The following KLHL32 variants were observed in gnomAD, a reference collection of about 807,000 sequenced individuals.
KLHL32 encodes kelch like family member 32, also known as kelch-like protein 32.
A neutral mutation model predicts 64.8 loss-of-function variants in KLHL32; 35 were observed. That is an observed-to-expected ratio of 0.54 (90% CI 0.41 to 0.72). The LOEUF (loss-of-function observed/expected upper bound fraction) is 0.72. Among genes scored for constraint, KLHL32 ranks in the 30% least tolerant of loss-of-function variants. The pLI is 0.00. For synonymous variants in KLHL32, 259 were observed against 281.0 expected (o/e 0.92, Z 0.78); for missense variants, 589 against 768.5 (o/e 0.77, Z 2.76).
At chr6:96,946,206 A>G (rs1250378175) in intron 1 of KLHL32, among the ~76,000 whole-genome samples, 4 of 152,148 alleles carry the variant, frequency 2.6e-5, no homozygotes, top group African/African-American at 9.7e-5. Flanking sequence ...GTTTTAAGTG[A>G]TATCTCCTTT....
chr6:97,079,097 A>G (rs2128172058), intron 5 of KLHL32, among the ~76,000 whole-genome samples: 1 of 152,330 alleles, frequency 6.6e-6, no homozygotes, highest in East Asian at 1.9e-4. Flanking sequence ...CTCTCATTCA[A>G]GAAGGTATAG....
chr6:96,924,295 G>C (rs988724113), upstream of KLHL32, among the ~76,000 whole-genome samples: 5 of 152,170 alleles, frequency 3.3e-5, no homozygotes, highest in Admixed American at 2.6e-4. Flanking sequence ...CCTGGGAAAG[G>C]AGTCTGGGGG....
chr6:97,034,920 G>A (rs1393755925), intron 3 of KLHL32, among the ~76,000 whole-genome samples: 2 of 152,040 alleles, frequency 1.3e-5, no homozygotes, highest in African/African-American at 4.8e-5. Flanking sequence ...GGTTTCCTAC[G>A]TATATAATCA....
intron 3 of KLHL32, among the ~76,000 whole-genome samples, chr6:97,018,956 G>A (rs1781611398): frequency 6.6e-6 from 1 of 152,144 alleles, no homozygotes; most frequent in Non-Finnish European, 1.5e-5. Context: ...GTAGACGGAA[G>A]ATATGGATAG....
intron 2 of KLHL32, among the ~76,000 whole-genome samples, chr6:96,967,627 G>C (rs1380728237): frequency 6.6e-6 from 1 of 152,018 alleles, no homozygotes; most frequent in Non-Finnish European, 1.5e-5. Context: ...TATTAATTAA[G>C]CCAAACACTC....
chr6:96,930,935 C>T (rs1049549316), intron 1 of KLHL32, among the ~76,000 whole-genome samples: 1 of 152,146 alleles, frequency 6.6e-6, no homozygotes, highest in African/African-American at 2.4e-5. Context: ...AGAGCTGCCC[C>T]TTGTGTTCTC....
intron 3 of KLHL32, among the ~76,000 whole-genome samples, chr6:96,988,367 T>C (rs980283719): frequency 6.6e-6 from 1 of 152,182 alleles, no homozygotes; most frequent in African/African-American, 2.4e-5. Flanking sequence ...TCATCATCAC[T>C]GGCCATCAGA....
intron 1 of KLHL32, among the ~76,000 whole-genome samples, chr6:96,941,212 G>T (rs1346377252): frequency 6.6e-6 from 1 of 152,064 alleles, no homozygotes; most frequent in East Asian, 1.9e-4. Context: ...TCTATGATTC[G>T]CCTGTTCAAG....
chr6:96,926,600 G>A (rs1324014071), intron 1 of KLHL32, among the ~76,000 whole-genome samples: 2 of 152,256 alleles, frequency 1.3e-5, no homozygotes, highest in East Asian at 3.9e-4. Flanking sequence ...AGTTGTGTGT[G>A]CGTTTCAGAT....
chr6:96,953,912 T>C (rs553839985), intron 1 of KLHL32, among the ~76,000 whole-genome samples: 2 of 152,042 alleles, frequency 1.3e-5, no homozygotes, highest in South Asian at 4.2e-4. Flanking sequence ...CCTCAAACTC[T>C]CCTCTAGCTG....
intron 3 of KLHL32, among the ~76,000 whole-genome samples, chr6:96,995,036 A>G (rs1341838312): frequency 1.3e-5 from 2 of 152,236 alleles, no homozygotes; most frequent in Non-Finnish European, 2.9e-5. Context: ...CCATTCTATG[A>G]ACATAGCCAA....
chr6:96,978,855 T>C (rs1775991881), intron 3 of KLHL32, among the ~76,000 whole-genome samples: 4 of 152,248 alleles, frequency 2.6e-5, no homozygotes, highest in Admixed American at 2.6e-4. Flanking sequence ...TGTGAGATAG[T>C]ATCTCATTGT....
chr6:96,925,207 C>T (rs1768994596), intron 1 of KLHL32, among the ~76,000 whole-genome samples, 181 bp downstream of exon 1: 1 of 152,148 alleles, frequency 6.6e-6, no homozygotes, highest in Non-Finnish European at 1.5e-5. Context: ...TGCTGCCAGC[C>T]CTGGAGTCGC....
At chr6:96,906,358 G>A in the KLHL32 span, among the ~76,000 whole-genome samples, 1 of 152,178 alleles carries the variant, frequency 6.6e-6, no homozygotes, top group East Asian at 1.9e-4. Flanking sequence ...GAATGAAGAG[G>A]GATGGGTAAA....
chr6:97,118,781 C>G (rs566627745), intron 7 of KLHL32, among the ~76,000 whole-genome samples: 2 of 152,248 alleles, frequency 1.3e-5, no homozygotes, highest in East Asian at 1.9e-4. Flanking sequence ...AAGTTCCTAA[C>G]CTCTCCAAGT....
chr6:96,951,395 G>A (rs576300696), intron 1 of KLHL32, among the ~76,000 whole-genome samples: 19 of 152,250 alleles, frequency 1.2e-4, no homozygotes, highest in African/African-American at 4.1e-4. Context: ...GAAAGTTTGC[G>A]ACTAATACTC....
intron 4 of KLHL32, among the ~76,000 whole-genome samples, chr6:97,045,721 C>A (rs575427211): frequency 6.6e-6 from 1 of 152,056 alleles, no homozygotes; most frequent in South Asian, 2.1e-4. Flanking sequence ...TGTGTATGTG[C>A]GTGTGTGTGT....
chr6:97,003,438 C>G (rs537406448), intron 3 of KLHL32, among the ~76,000 whole-genome samples: 1 of 152,042 alleles, frequency 6.6e-6, no homozygotes, highest in African/African-American at 2.4e-5. Flanking sequence ...CTCCCATTCT[C>G]TATAGTGCCT....
At chr6:96,942,866 G>C (rs1771483909) in intron 1 of KLHL32, among the ~76,000 whole-genome samples, 1 of 152,036 alleles carries the variant, frequency 6.6e-6, no homozygotes, top group Non-Finnish European at 1.5e-5. Context: ...ACTCCTTACG[G>C]CAGAATGGCT....
Sources: allele counts gnomAD v4.1 joint callset (sites outside exome capture counted in the v4.1 genomes callset), GRCh38; gene constraint gnomAD v4.1.1; transcripts MANE v1.5; gene names NCBI Gene and HGNC (gene_info 2026-07-23, HGNC 2026-07-21).